The following PRKG1 variants were observed in gnomAD, a reference collection of about 807,000 sequenced individuals.
PRKG1 encodes protein kinase cGMP-dependent 1.
Under a neutral mutation model 88.1 loss-of-function variants are expected in PRKG1, and 35 were observed. The ratio of observed to expected loss-of-function variants is 0.40; its 90% confidence interval spans 0.30 to 0.53. The LOEUF (loss-of-function observed/expected upper bound fraction) is 0.53. Ranked by LOEUF, PRKG1 falls within the 20% of genes least tolerant of loss-of-function variation. The pLI is 0.59. For missense variants in PRKG1, 540 were observed against 839.8 expected, an observed-to-expected ratio of 0.64 and a Z score of 4.41; for synonymous variants, 303 against 292.5, an observed-to-expected ratio of 1.04 and a Z score of -0.37.
At chr10:51,005,201 G>A (rs1453026156) in intron 1 of PRKG1, among the ~76,000 whole-genome samples, 1 of 152,048 alleles carries the variant, frequency 6.6e-6, no homozygotes, top group Non-Finnish European at 1.5e-5. Context: ...TTTGGGGGAG[G>A]AGGAAGGATA....
intron 2 of PRKG1, among the ~76,000 whole-genome samples, chr10:51,467,519 T>C (rs937138539): frequency 2.6e-5 from 4 of 151,992 alleles, no homozygotes; most frequent in African/African-American, 9.7e-5. Flanking sequence ...ATATCAAATC[T>C]TTTCAGTAGT....
At chr10:52,083,251 T>A (rs1439478105) in intron 7 of PRKG1, among the ~76,000 whole-genome samples, 5 of 152,140 alleles carry the variant, frequency 3.3e-5, no homozygotes, top group African/African-American at 1.2e-4. Context: ...GTTCTTTGCA[T>A]AATTTTACTG....
intron 3 of PRKG1, among the ~76,000 whole-genome samples, chr10:51,729,115 C>G (rs1207552042): frequency 2.0e-5 from 3 of 152,128 alleles, no homozygotes; most frequent in Admixed American, 2.0e-4. Context: ...GTTGATTACT[C>G]TATGTTGAGA....
intron 3 of PRKG1, among the ~76,000 whole-genome samples, chr10:51,757,708 A>G (rs140668349): frequency 1.3e-3 from 196 of 152,334 alleles, no homozygotes; most frequent in African/African-American, 4.4e-3. Flanking sequence ...TTAGAAAAAA[A>G]GTAAAATAAC....
chr10:52,253,011 T>G (rs1448566612), intron 10 of PRKG1, among the ~76,000 whole-genome samples: 1 of 152,002 alleles, frequency 6.6e-6, no homozygotes, highest in Non-Finnish European at 1.5e-5. Context: ...ACTGCTTTGA[T>G]TTGGAGGTGT....
intron 2 of PRKG1, among the ~76,000 whole-genome samples, chr10:51,394,362 G>A (rs536876189): frequency 3.9e-5 from 6 of 152,316 alleles, no homozygotes; most frequent in South Asian, 4.1e-4. Context: ...TTTGCACAGC[G>A]TGGCAACTGG....
At chr10:51,998,599 T>G (rs1264110933) in intron 5 of PRKG1, among the ~76,000 whole-genome samples, 9 of 152,212 alleles carry the variant, frequency 5.9e-5, no homozygotes, top group Admixed American at 2.6e-4. Context: ...GTCTAATATA[T>G]TATTTATTTT....
At chr10:51,680,360 T>C (rs1840822175) in intron 3 of PRKG1, among the ~76,000 whole-genome samples, 1 of 152,180 alleles carries the variant, frequency 6.6e-6, no homozygotes, top group Non-Finnish European at 1.5e-5. Context: ...TCGGGCCCAC[T>C]CCCGCCCTGT....
At chr10:51,135,971 A>G (rs1589183845) in intron 1 of PRKG1, among the ~76,000 whole-genome samples, 1 of 83,050 alleles carries the variant, frequency 1.2e-5, no homozygotes. Context: ...GTTGTGGGGG[A>G]AGGGGGGAGG....
At chr10:52,289,819 A>T (rs1842200830) in intron 16 of PRKG1, among the ~76,000 whole-genome samples, 1 of 152,172 alleles carries the variant, frequency 6.6e-6, no homozygotes. Context: ...TGTGCACTGA[A>T]TCAGTGGCAA....
At chr10:51,299,527 G>A (rs769713978) in intron 2 of PRKG1, 4 of 468,638 alleles carry the variant, frequency 8.5e-6, no homozygotes, top group South Asian at 1.5e-5. Context: ...ATTCTTTAAA[G>A]TAGGAACTTT....
At chr10:51,540,345 G>A (rs964274784) in intron 3 of PRKG1, among the ~76,000 whole-genome samples, 9 of 152,144 alleles carry the variant, frequency 5.9e-5, no homozygotes, top group Non-Finnish European at 1.2e-4. Flanking sequence ...TCACATCAAT[G>A]TAGACTATTA....
intron 3 of PRKG1, among the ~76,000 whole-genome samples, chr10:51,664,940 A>G (rs1440483130): frequency 1.3e-5 from 2 of 152,184 alleles, no homozygotes; most frequent in Non-Finnish European, 2.9e-5. Flanking sequence ...GTATGTCAAC[A>G]GTGCCATCTG....
intron 5 of PRKG1, among the ~76,000 whole-genome samples, chr10:51,915,264 G>A (rs577085689): frequency 1.3e-5 from 2 of 152,168 alleles, no homozygotes; most frequent in Non-Finnish European, 2.9e-5. Context: ...GACTCTTCAG[G>A]AGAGACACTG....
At chr10:51,888,790 G>A (rs1589391048) in intron 4 of PRKG1, among the ~76,000 whole-genome samples, 1 of 152,078 alleles carries the variant, frequency 6.6e-6, no homozygotes. Context: ...TTTGCATAAG[G>A]TAGATAATAA....
chr10:51,325,639 T>G (rs1410813005), intron 2 of PRKG1, among the ~76,000 whole-genome samples: 7 of 152,218 alleles, frequency 4.6e-5, no homozygotes, highest in Non-Finnish European at 1.0e-4. Flanking sequence ...TTTCCTATAT[T>G]TGCTTTTGTT....
At chr10:51,653,714 G>A (rs1840096059) in intron 3 of PRKG1, among the ~76,000 whole-genome samples, 1 of 151,910 alleles carries the variant, frequency 6.6e-6, no homozygotes, top group Non-Finnish European at 1.5e-5. Context: ...CTACAGGCAT[G>A]TATCACCATG....
chr10:51,596,236 C>T (rs563948358), intron 3 of PRKG1, among the ~76,000 whole-genome samples: 5 of 152,270 alleles, frequency 3.3e-5, no homozygotes, highest in Admixed American at 6.5e-5. Flanking sequence ...GTACAAAGCA[C>T]ATCTGACATG....
At chr10:51,119,536 A>G (rs1845212014) in intron 1 of PRKG1, among the ~76,000 whole-genome samples, 1 of 152,088 alleles carries the variant, frequency 6.6e-6, no homozygotes, top group Non-Finnish European at 1.5e-5. Context: ...ATATTTTGAT[A>G]GAGAAATTTT....
Sources: allele counts gnomAD v4.1 joint callset (sites outside exome capture counted in the v4.1 genomes callset), GRCh38; gene constraint gnomAD v4.1.1; transcripts MANE v1.5; gene names NCBI Gene and HGNC (gene_info 2026-07-23, HGNC 2026-07-21).